ASMTL: variants seen among roughly 807,000 people sequenced by gnomAD.
ASMTL encodes the protein acetylserotonin O-methyltransferase like.
A neutral mutation model predicts 60.3 loss-of-function variants in ASMTL; 57 were observed. The ratio of observed to expected loss-of-function variants is 0.95; its 90% CI spans 0.76 to 1.18. The LOEUF (loss-of-function observed/expected upper bound fraction) is 1.18. Among genes scored for constraint, ASMTL ranks in the 50% most tolerant of loss-of-function variants. The pLI is 0.00. For missense variants in ASMTL, 981 were observed against 852.6 expected (o/e 1.15, Z -1.88); for synonymous variants, 419 against 373.0 (o/e 1.12, Z -1.42).
intron 5 of ASMTL, 105 bp from the exon 6 acceptor site, chrX:1,432,482 C>T (rs1295636444): frequency 4.9e-6 from 4 of 812,194 alleles, no homozygotes; most frequent in South Asian, 1.4e-5. Flanking sequence ...GAGCGCAGCG[C>T]ACAGTTCAGA....
rs1204332484 is a variant in ASMTL, at chrX:1,417,810, GACAC to G, written c.1522+159_1522+162del. On this transcript the variant is annotated intron_variant, in intron 11 of 12. Transcript: ENST00000381317. ...CATACCACACACATGCACACAGAGA[GACAC>G]ACACACACAAGCACCGTAGACAGTC... The G allele has an allele frequency of 2.2e-3, 667 of 302,542 alleles. 11 individuals are homozygous for G. Among genetic ancestry groups the G allele is most frequent in the African/African-American group, 0.014 (593 of 42,408 alleles). 18.7% of individuals were successfully genotyped at this position (302,542 alleles called of 1,614,324 possible).
At position 1,433,683 on chromosome X, in the gene ASMTL, AAAG is replaced by A. The variant is rs2090879499; in HGVS notation, c.401-1309_401-1307del. On this transcript the variant is annotated intron_variant, in intron 5 of 12. Transcript: ENST00000381317. ...CGATAAAGCGAGACTCTGTCACAAA[AAAG>A]AAAAAAAAAAGAGACCCAGAAGGAC... Among the ~76,000 whole-genome samples, 4 of 151,636 alleles carry A rather than the reference AAAG, an allele frequency of 2.6e-5. 1 individual carries two copies. In the South Asian group the frequency reaches 8.3e-4, roughly 32 times the overall value.
chrX:1,411,561 G>A (rs1450615712), intron 12 of ASMTL, among the ~76,000 whole-genome samples: 2 of 150,528 alleles, frequency 1.3e-5, no homozygotes, highest in African/African-American at 2.5e-5. Context: ...GCTTTGAGCC[G>A]AGATGGTGCG....
upstream of ASMTL, among the ~76,000 whole-genome samples, chrX:1,453,301 G>T (rs1323443829): frequency 2.1e-5 from 3 of 145,400 alleles, no homozygotes; most frequent in Admixed American, 6.8e-5. Flanking sequence ...ATGCCACGCC[G>T]CCATTGAGCT....
chrX:1,423,754 TCCCATCCATCC>T (rs2090537702), intron 8 of ASMTL, among the ~76,000 whole-genome samples: 4 of 17,820 alleles, frequency 2.2e-4, no homozygotes, highest in East Asian at 5.9e-3. Context: ...CCATCCATCC[TCCCATCCATCC>T]GTCCACCCAC....
intron 1 of ASMTL, among the ~76,000 whole-genome samples, chrX:1,447,279 CA>C (rs2091247193): frequency 6.6e-6 from 1 of 152,252 alleles, no homozygotes; most frequent in Non-Finnish European, 1.5e-5. Flanking sequence ...CTTCGACACA[CA>C]CTGCCATCTT....
At chrX:1,426,248 G>A (rs1300440677) in intron 7 of ASMTL, among the ~76,000 whole-genome samples, 1 of 152,142 alleles carries the variant, frequency 6.6e-6, no homozygotes, top group Non-Finnish European at 1.5e-5. Flanking sequence ...GACTGTGGGA[G>A]AATCAATGTC....
intron 12 of ASMTL, among the ~76,000 whole-genome samples, chrX:1,411,624 G>GCTGACATTTCAGCAACACGGCTGTAAA (rs757145240): frequency 6.6e-6 from 1 of 150,944 alleles, no homozygotes; most frequent in Non-Finnish European, 1.5e-5. Flanking sequence ...ATTAGATCCA[G>GCTGACATTTCAGCAACACGGCTGTAAA]CTGCAGAGTC....
intron 1 of ASMTL, among the ~76,000 whole-genome samples, chrX:1,444,922 T>C (rs1218198446): frequency 1.3e-5 from 2 of 152,212 alleles, no homozygotes; most frequent in Non-Finnish European, 2.9e-5. Context: ...AATCCACCTC[T>C]GACCCCCTGC....
Position 1,406,911 on chromosome X carries a change from G to GATGA in ASMTL, c.1646-3423_1646-3422insTCAT, listed in dbSNP as rs1246808301. The stretch of plus-strand genomic sequence containing the variant: ...ATAGATGGTAGATGATGGGTACATA[G>GATGA]ATAGATGAATAGATGGATGCATGGA... On this transcript the variant is annotated intron_variant, in intron 12 of 12. Transcript: ENST00000381317. Among the ~76,000 whole-genome samples, 258 of 150,516 alleles carry GATGA rather than the reference G, an allele frequency of 1.7e-3. 1 individual carries two copies. Among genetic ancestry groups the GATGA allele is most frequent in the African/African-American group, 6.0e-3 (243 of 40,250 alleles).
intron 11 of ASMTL, chrX:1,413,088 G>A: frequency 1.8e-6 from 1 of 565,692 alleles, no homozygotes; most frequent in East Asian, 2.9e-5. Flanking sequence ...AAACGCTGGG[G>A]ACAGTGGCTC....
intron 12 of ASMTL, 70 bp downstream of exon 12, chrX:1,412,662 C>T (rs2090075102): frequency 1.9e-6 from 3 of 1,607,960 alleles, no homozygotes; most frequent in African/African-American, 1.3e-5. Flanking sequence ...CGCGCCCGGC[C>T]TCCTTGTAAA....
intron 1 of ASMTL, among the ~76,000 whole-genome samples, chrX:1,443,731 CCATCGTGGACAGACAT>C (rs1386626326): frequency 7.3e-6 from 1 of 136,656 alleles, no homozygotes; most frequent in African/African-American, 2.6e-5. Flanking sequence ...ACACACACCC[CCATCGTGGACAGACAT>C]CATCGTGGAC....
chrX:1,411,238 A>G lies in ASMTL; in HGVS notation c.1645+1494T>C, dbSNP rs868540947. On this transcript the variant is annotated intron_variant, in intron 12 of 12. Coordinates refer to ENST00000381317, the MANE Select transcript of ASMTL (RefSeq NM_004192.4). ...GAAAGAGAGAAAGAAGGAGAGACAG[A>G]GGGAGAGAAGAATGGAAGTCTCTTG... 1.9e-3 allele frequency among the ~76,000 whole-genome samples: 16 copies of G among 8,552 alleles called. No homozygotes were observed. In the Non-Finnish European group the frequency reaches 0.032, roughly 17 times the overall value. 5.6% of individuals were successfully genotyped at this position (8,552 alleles called of 152,430 possible). A position where few individuals can be genotyped will look rare whatever the true frequency, so the allele number is the denominator to read the frequency against.
intron 1 of ASMTL, among the ~76,000 whole-genome samples, chrX:1,446,887 G>T (rs2091241692): frequency 6.6e-6 from 1 of 152,174 alleles, no homozygotes; most frequent in South Asian, 2.1e-4. Flanking sequence ...TGAAATTCTA[G>T]TCTTGCCTAA....
chrX:1,415,396 G>A (rs1413742377), intron 11 of ASMTL, among the ~76,000 whole-genome samples: 3 of 151,068 alleles, frequency 2.0e-5, no homozygotes, highest in Admixed American at 6.6e-5. Context: ...CTCACGTCTC[G>A]GCTACTTGCA....
chrX:1,435,751 C>A lies in ASMTL; in HGVS notation c.281G>T (p.Gly94Val). 6.2e-7 allele frequency: 1 copy of A among 1,613,640 alleles called. No individual in the cohort carries two copies. The highest frequency in any genetic ancestry group is 8.5e-7 in the Non-Finnish European group (1 of 1,179,774). Residue 94 changes from glycine to valine, a missense_variant, in exon 4 of 13, where the codon GGG becomes GTG. Physicochemically the swap from Gly to Val is moderately radical, Grantham distance 109. Transcript: ENST00000381317. ...CACCGGCTTCTCCAGAATCAGCCCCCCGACTGTCTGTGAGAGGAAGGGACA... is the reference window on the plus strand; with the variant it reads ...CACCGGCTTCTCCAGAATCAGCCCCACGACTGTCTGTGAGAGGAAGGGACA... ...VIGADTIVTV[G>V]GLILEKPVDK...
intron 12 of ASMTL, among the ~76,000 whole-genome samples, chrX:1,407,184 G>A (rs2089891918): frequency 6.6e-6 from 1 of 151,460 alleles, no homozygotes; most frequent in Non-Finnish European, 1.5e-5. Flanking sequence ...TATATAGATG[G>A]ATGCATGGAT....
chrX:1,406,737 T>G (rs1286020288), intron 12 of ASMTL, among the ~76,000 whole-genome samples: 1 of 150,996 alleles, frequency 6.6e-6, no homozygotes, highest in Non-Finnish European at 1.5e-5. Flanking sequence ...AGTGAATAGA[T>G]GGTAGATGAT....
Sources: allele counts gnomAD v4.1 joint callset (sites outside exome capture counted in the v4.1 genomes callset), GRCh38; gene constraint gnomAD v4.1.1; transcripts MANE v1.5; gene names NCBI Gene and HGNC (gene_info 2026-07-23, HGNC 2026-07-21).